Variants in AFG2A observed in about 807,000 individuals in gnomAD.
AFG2A encodes ATPase family gene 2 protein homolog A.
the AFG2A span, among the ~76,000 whole-genome samples, chr4:123,017,414 A>ATTTTTTTTTTTTTTTTTTTTTTTTTTT: frequency 9.4e-5 from 7 of 74,732 alleles, no homozygotes; most frequent in Non-Finnish European, 1.1e-4. Flanking sequence ...AGCATGGGAA[A>ATTTTTTTTTTTTTTTTTTTTTTTTTTT]TTTTTTTTTT....
At chr4:122,928,929 CTG>C in the AFG2A span, 3 of 1,321,460 alleles carry the variant, frequency 2.3e-6, no homozygotes, top group African/African-American at 3.0e-5. Flanking sequence ...TGGGTAAAGA[CTG>C]TATTTTGCAT....
At chr4:123,289,886 T>C in the AFG2A span, among the ~76,000 whole-genome samples, 2 of 152,078 alleles carry the variant, frequency 1.3e-5, no homozygotes, top group African/African-American at 2.4e-5. Flanking sequence ...AGTTCCAGGG[T>C]ACATGTACAT....
chr4:123,249,651 A>G, the AFG2A span, among the ~76,000 whole-genome samples: 1 of 152,198 alleles, frequency 6.6e-6, no homozygotes, highest in Admixed American at 6.5e-5. Flanking sequence ...GTAAACATTT[A>G]TTGGGTGCCT....
the AFG2A span, among the ~76,000 whole-genome samples, chr4:122,957,349 A>C: frequency 6.6e-6 from 1 of 152,222 alleles, no homozygotes; most frequent in Non-Finnish European, 1.5e-5. Flanking sequence ...TCATTGGAAC[A>C]GTTTTATAAT....
chr4:123,057,644 TGTA>T, the AFG2A span, among the ~76,000 whole-genome samples: 1 of 152,148 alleles, frequency 6.6e-6, no homozygotes, highest in Admixed American at 6.6e-5. Flanking sequence ...AATTACTTCT[TGTA>T]GTAGAACAAA....
chr4:123,099,486 C>T, the AFG2A span, among the ~76,000 whole-genome samples: 1 of 151,150 alleles, frequency 6.6e-6, no homozygotes, highest in Non-Finnish European at 1.5e-5. Context: ...TCAGTTTTAG[C>T]TCTTTATTCG....
the AFG2A span, among the ~76,000 whole-genome samples, chr4:123,009,513 C>G: frequency 6.6e-6 from 1 of 152,198 alleles, no homozygotes; most frequent in Non-Finnish European, 1.5e-5. Flanking sequence ...TAACTCCATA[C>G]TTTATTTGGA....
the AFG2A span, among the ~76,000 whole-genome samples, chr4:123,182,888 A>G: frequency 6.6e-6 from 1 of 152,208 alleles, no homozygotes; most frequent in South Asian, 2.1e-4. Flanking sequence ...GAAGCTCCCT[A>G]GAAATCTAAG....
the AFG2A span, among the ~76,000 whole-genome samples, chr4:122,964,310 T>C: frequency 6.6e-6 from 1 of 151,688 alleles, no homozygotes; most frequent in Admixed American, 6.6e-5. Flanking sequence ...TCGAGACCAG[T>C]GTGGCCAACA....
chr4:123,143,418 C>T, the AFG2A span, among the ~76,000 whole-genome samples: 1,062 of 152,100 alleles, frequency 7.0e-3, 7 homozygotes, highest in African/African-American at 0.023. Flanking sequence ...TGATAATTAA[C>T]GTATATCACA....
At chr4:123,004,792 G>C in the AFG2A span, among the ~76,000 whole-genome samples, 1 of 152,268 alleles carries the variant, frequency 6.6e-6, no homozygotes, top group South Asian at 2.1e-4. Flanking sequence ...AAATTGTGTA[G>C]AATTAGTATT....
At chr4:123,017,226 G>A in the AFG2A span, among the ~76,000 whole-genome samples, 1 of 132,240 alleles carries the variant, frequency 7.6e-6, no homozygotes, top group African/African-American at 3.0e-5. Context: ...GGAGAGGGGG[G>A]AGAGGGAAAG....
the AFG2A span, among the ~76,000 whole-genome samples, chr4:123,156,759 TAAAA>T: frequency 7.4e-5 from 10 of 134,808 alleles, no homozygotes; most frequent in Admixed American, 2.2e-4. Context: ...TTAAGAAGAT[TAAAA>T]AAAAAAAAAA....
At chr4:123,096,991 G>T in the AFG2A span, among the ~76,000 whole-genome samples, 3 of 151,972 alleles carry the variant, frequency 2.0e-5, no homozygotes, top group Non-Finnish European at 4.4e-5. Context: ...TTGAGATGCA[G>T]GTCTGGCTGT....
At chr4:123,041,342 C>G in the AFG2A span, among the ~76,000 whole-genome samples, 1 of 143,904 alleles carries the variant, frequency 6.9e-6, no homozygotes, top group African/African-American at 2.6e-5. Flanking sequence ...AGGATAGTCT[C>G]GATCTCCTGA....
chr4:123,080,004 C>T, the AFG2A span, among the ~76,000 whole-genome samples: 1 of 152,034 alleles, frequency 6.6e-6, no homozygotes, highest in Non-Finnish European at 1.5e-5. Flanking sequence ...GCGCCTTGGC[C>T]TCCCAAAGTG....
the AFG2A span, among the ~76,000 whole-genome samples, chr4:123,171,837 T>A: frequency 2.0e-5 from 3 of 152,186 alleles, no homozygotes; most frequent in South Asian, 6.2e-4. Context: ...TTTATATATA[T>A]ATAGAATTCC....
the AFG2A span, among the ~76,000 whole-genome samples, chr4:122,961,494 G>A: frequency 6.6e-6 from 1 of 152,094 alleles, no homozygotes; most frequent in African/African-American, 2.4e-5. Context: ...TTTTTGGGTA[G>A]CCTCCTTGAC....
the AFG2A span, among the ~76,000 whole-genome samples, chr4:123,270,446 T>G: frequency 6.6e-6 from 1 of 152,334 alleles, no homozygotes; most frequent in South Asian, 2.1e-4. Flanking sequence ...TTTTGTGAAT[T>G]GATTAATGTT....
Sources: allele counts gnomAD v4.1 joint callset (sites outside exome capture counted in the v4.1 genomes callset), GRCh38; gene constraint gnomAD v4.1.1; transcripts MANE v1.5; gene names NCBI Gene and HGNC (gene_info 2026-07-23, HGNC 2026-07-21).